ZNF217: variants seen among roughly 807,000 people sequenced by gnomAD.
ZNF217 encodes zinc finger protein 217.
ZNF217 carries 12 observed loss-of-function variants against 73.3 expected under a neutral mutation model. That is an observed-to-expected ratio of 0.16 (90% CI 0.10 to 0.27). ZNF217 has a LOEUF of 0.27. Ranked by LOEUF, ZNF217 falls within the 10% of genes least tolerant of loss-of-function variation. The pLI is 1.00. For missense variants in ZNF217, 1,195 were observed against 1,327.8 expected, an observed-to-expected ratio of 0.90 and a Z score of 1.55; for synonymous variants, 588 against 516.4, an observed-to-expected ratio of 1.14 and a Z score of -1.88.
chr20:53,586,791 A>G lies in ZNF217; in HGVS notation c.-342-3623T>C, dbSNP rs556360227. Among the ~76,000 whole-genome samples, 7 of 152,336 alleles carry G rather than the reference A, an allele frequency of 4.6e-5. No homozygotes were observed. In the South Asian group the frequency reaches 1.4e-3, roughly 32 times the overall value. Reference sequence around the variant, plus strand: ...CCAATTGAATGGGGTGTGTGCACAAACACAAGCCTTCCCAGAAGCCTCCAG... The same window carrying G: ...CCAATTGAATGGGGTGTGTGCACAAGCACAAGCCTTCCCAGAAGCCTCCAG... On this transcript the variant is annotated intron_variant, in intron 1 of 5. Transcript: ENST00000371471.
chr20:53,576,753 C>A lies in ZNF217; in HGVS notation c.2011G>T (p.Ala671Ser). 1 of 1,614,178 alleles carries A rather than the reference C, an allele frequency of 6.2e-7. No individual in the cohort carries two copies. Among genetic ancestry groups the A allele is most frequent in the Non-Finnish European group, 8.5e-7 (1 of 1,180,028 alleles). ...VSPKEKQTET[A>S]ADCRYRPSVD... ...CTTGGCCTGTATCTGCAGTCAGCTG[C>A]GGTCTCCGTTTGCTTCTCTTTGGGG... The change falls in exon 4 of 6, where the codon GCA becomes TCA. Residue 671 changes from alanine (A) to serine (S), a missense_variant. This residue lies in a region of ZNF217 where 649 missense variants were observed against 642.8 expected (regional missense o/e 1.01). Coordinates refer to ENST00000371471, the MANE Select transcript of ZNF217 (RefSeq NM_006526.3).
At chr20:53,592,197 CAAT>C (rs1988897978) in intron 1 of ZNF217, among the ~76,000 whole-genome samples, 1 of 152,212 alleles carries the variant, frequency 6.6e-6, no homozygotes, top group Admixed American at 6.5e-5. Flanking sequence ...ACACAGTGGC[CAAT>C]AATACAGGAC....
Position 53,581,803 on chromosome 20 carries a change from C to G in ZNF217, c.1024G>C (p.Ala342Pro). 1 of 1,614,250 alleles carries G rather than the reference C, an allele frequency of 6.2e-7. No homozygotes were observed. Among genetic ancestry groups the G allele is most frequent in the Admixed American group, 1.7e-5 (1 of 60,030 alleles). ...ELGETNKGSCAGLSQEKEKCK... is the reference protein window; with the variant it reads ...ELGETNKGSCPGLSQEKEKCK... The stretch of plus-strand genomic sequence containing the variant: ...TTCTCTTTCTCTTGCGAGAGGCCTG[C>G]ACAACTGCCCTTATTTGTTTCTCCA... Residue 342 changes from alanine (A) to proline (P), a missense_variant, in exon 2 of 6, where the codon GCA becomes CCA. This residue lies in a region of ZNF217 where 102 missense variants were observed against 91.9 expected (regional missense o/e 1.11). Transcript: ENST00000371471. This position sits in a 1 kb window ranked among gnomAD's most constrained non-coding sequence, Gnocchi z 4.9.
Position 53,576,385 on chromosome 20 carries a change from C to T in ZNF217, c.2379G>A (p.Lys793=). The T allele has an allele frequency of 2.5e-6, 4 of 1,614,236 alleles. No homozygotes were observed. The highest frequency in any genetic ancestry group is 3.4e-6 in the Non-Finnish European group (4 of 1,180,026). The stretch of plus-strand genomic sequence containing the variant: ...CCTTGCCTGGCCCAGGAGGGCTCTG[C>T]TTCCCCTTCGCAGATGGCAGGGATT... ...QSKSLPSAKG[K]QSPPGPGKAP... The change falls in exon 4 of 6, where the codon AAG becomes AAA. Residue 793 remains lysine (K), a synonymous_variant. Coordinates refer to ENST00000371471, the MANE Select transcript of ZNF217 (RefSeq NM_006526.3).
At chr20:53,575,570 ACT>A in intron 4 of ZNF217, 155 bp downstream of exon 4, 2 of 656,858 alleles carry the variant, frequency 3.0e-6, no homozygotes, top group Non-Finnish European at 5.1e-6. Flanking sequence ...ACCACAAACC[ACT>A]GCCGTATCTA....
rs558257375 is a variant in ZNF217 at position 53,568,081 on chromosome 20, T to C, written c.*1207A>G. 2.0e-5 allele frequency: 3 copies of C among 152,448 alleles called. No individual in the cohort carries two copies. Among genetic ancestry groups the C allele is most frequent in the East Asian group, 1.9e-4 (1 of 5,192 alleles). 9.4% of individuals were successfully genotyped at this position (152,448 alleles called of 1,614,324 possible). On this transcript the variant is annotated 3_prime_UTR_variant, in exon 6 of 6. Coordinates refer to ENST00000371471, the MANE Select transcript of ZNF217 (RefSeq NM_006526.3). ...GCATGTGCACTGAGAAAAATGTTACTGCTTCAAAACAACCAAAAATGGGAA... is the reference window on the plus strand; with the variant it reads ...GCATGTGCACTGAGAAAAATGTTACCGCTTCAAAACAACCAAAAATGGGAA...
Position 53,581,333 on chromosome 20 carries a change from G to T in ZNF217, c.1366+128C>A. The T allele has an allele frequency of 7.5e-7, 1 of 1,327,756 alleles. No homozygotes were observed. Among genetic ancestry groups the T allele is most frequent in the Non-Finnish European group, 1.0e-6 (1 of 986,192 alleles). 82.2% of individuals were successfully genotyped at this position (1,327,756 alleles called of 1,614,324 possible). ...CACAGAGTGATACCAAAAAGAGCCT[G>T]GACTTGACTCTGGCTCTCCAAACCC... On this transcript the variant is annotated intron_variant, in intron 2 of 5. Coordinates refer to ENST00000371471, the MANE Select transcript of ZNF217 (RefSeq NM_006526.3). This position sits in a 1 kb window ranked among gnomAD's most constrained non-coding sequence, Gnocchi z 4.9.
upstream of ZNF217, among the ~76,000 whole-genome samples, chr20:53,594,383 A>G (rs1381711013): frequency 2.2e-5 from 2 of 89,608 alleles, no homozygotes; most frequent in African/African-American, 4.3e-5. Context: ...CACGCCCCAC[A>G]CCGCCCCGGC....
rs2145912521 is a variant in ZNF217 at position 53,568,084 on chromosome 20, T to G, written c.*1204A>C. ...TGTGCACTGAGAAAAATGTTACTGC[T>G]TCAAAACAACCAAAAATGGGAAAAT... On this transcript the variant is annotated 3_prime_UTR_variant, in exon 6 of 6. Coordinates refer to ENST00000371471, the MANE Select transcript of ZNF217 (RefSeq NM_006526.3). 1 of 152,406 alleles carries G rather than the reference T, an allele frequency of 6.6e-6. No individual in the cohort carries two copies. The highest frequency in any genetic ancestry group is 2.4e-5 in the African/African-American group (1 of 41,532). The allele number at this position is 152,406 out of a possible 1,614,324, so 9.4% of individuals were successfully genotyped here.
chr20:53,590,516 A>C (rs1177693270), intron 1 of ZNF217, among the ~76,000 whole-genome samples: 3 of 152,132 alleles, frequency 2.0e-5, no homozygotes, highest in Admixed American at 6.5e-5. Context: ...TCCTTTTTTA[A>C]AGTGGCATCT....
At chr20:53,577,310 A>C (rs1311553500) in intron 3 of ZNF217, 30 bp from the exon 4 acceptor site, 2 of 1,563,782 alleles carry the variant, frequency 1.3e-6, no homozygotes, top group Admixed American at 1.8e-5. Flanking sequence ...TTTATTATAG[A>C]AGTGTATGAA....
intron 4 of ZNF217, 49 bp downstream of exon 4, chr20:53,575,678 A>G: frequency 1.0e-5 from 15 of 1,489,510 alleles, no homozygotes; most frequent in African/African-American, 1.4e-5. Context: ...TGGATTAGCT[A>G]TTAATCACTG....
intron 1 of ZNF217, 119 bp from the exon 2 acceptor site, chr20:53,583,287 T>G (rs1325173421): frequency 7.6e-6 from 3 of 396,724 alleles, no homozygotes; most frequent in African/African-American, 6.2e-5. Context: ...TTGCTTCACT[T>G]TTAACTAATA....
upstream of ZNF217, among the ~76,000 whole-genome samples, chr20:53,595,236 C>T (rs1989021872): frequency 2.6e-5 from 4 of 152,154 alleles, no homozygotes; most frequent in South Asian, 8.3e-4. Flanking sequence ...AGCACATCCA[C>T]AATTTTTCTA....
chr20:53,578,287 C>G, intron 3 of ZNF217, 47 bp downstream of exon 3: 1 of 1,308,350 alleles, frequency 7.6e-7, no homozygotes, highest in African/African-American at 1.5e-5. Context: ...AATTAGATAA[C>G]TACATAATTT....
At chr20:53,577,964 T>A (rs894425138) in intron 3 of ZNF217, among the ~76,000 whole-genome samples, 2 of 152,012 alleles carry the variant, frequency 1.3e-5, no homozygotes, top group African/African-American at 4.8e-5. Context: ...ATACAGAAAT[T>A]AGCCGGGTGT....
chr20:53,581,510 A>ACCTTCC lies in ZNF217; in HGVS notation c.1311_1316dup (p.Glu438_Gly439dup), dbSNP rs776695182. ...CATCCTCAGATCCGTCTTCAGAACC[A>ACCTTCC]CCTTCCCCTCGATCCACGGCTCCAT... On this transcript the variant is annotated inframe_insertion, in exon 2 of 6. Coordinates refer to ENST00000371471, the MANE Select transcript of ZNF217 (RefSeq NM_006526.3). This position sits in a 1 kb window ranked among gnomAD's most constrained non-coding sequence, Gnocchi z 4.9. 6.2e-7 allele frequency: 1 copy of ACCTTCC among 1,613,756 alleles called. No homozygotes were observed. The highest frequency in any genetic ancestry group is 2.2e-5 in the East Asian group (1 of 44,854).
rs1185967697 is a variant in ZNF217, at chr20:53,582,928, G to A, written c.-102C>T. 7.2e-6 allele frequency: 9 copies of A among 1,247,462 alleles called. No individual in the cohort carries two copies. In the South Asian group the frequency reaches 7.5e-5, roughly 10 times the overall value. The allele number at this position is 1,247,462 out of a possible 1,614,324, so 77.3% of individuals were successfully genotyped here. ...ACAGCCCTGGGTTCCAAAAACCAGA[G>A]CAAATATTTATTATAAAAGTTCAAA... On this transcript the variant is annotated 5_prime_UTR_variant, in exon 2 of 6. Transcript: ENST00000371471. The surrounding 1 kb of genome is among the most constrained non-coding windows in gnomAD (Gnocchi z 4.8).
At chr20:53,578,123 A>G (rs1988350901) in intron 3 of ZNF217, among the ~76,000 whole-genome samples, 1 of 152,184 alleles carries the variant, frequency 6.6e-6, no homozygotes, top group Non-Finnish European at 1.5e-5. Flanking sequence ...AAAAACAAAA[A>G]AGAAAGAAAA....
Sources: gnomAD v4.1 joint callset for allele counts (sites outside exome capture counted in the v4.1 genomes callset) on GRCh38, gnomAD v4.1.1 for gene constraint, gnomAD v4.1.1 regional missense constraint, Gnocchi (gnomAD v3.1) non-coding constraint, MANE v1.5 for transcripts, NCBI Gene and HGNC (gene_info 2026-07-23, HGNC 2026-07-21) for gene names.